The following KCNG3 variants were observed in gnomAD, a reference collection of about 807,000 sequenced individuals.
KCNG3 encodes the protein potassium voltage-gated channel modifier subfamily G member 3, also known as voltage-gated potassium channel regulatory subunit KCNG3.
In KCNG3, 15 loss-of-function variants were observed where a neutral mutation model predicts 29.0. That is an observed-to-expected ratio of 0.52 (90% CI 0.35 to 0.80). The LOEUF is 0.80. Among genes scored for constraint, KCNG3 ranks in the 30% least tolerant of loss-of-function variants. The pLI is 0.01. For synonymous variants in KCNG3, 322 were observed against 248.9 expected (o/e 1.29, Z -2.76); for missense variants, 512 against 605.7 (o/e 0.85, Z 1.62).
intron 1 of KCNG3, among the ~76,000 whole-genome samples, chr2:42,488,678 T>G (rs920024027): frequency 3.9e-5 from 6 of 151,946 alleles, no homozygotes; most frequent in African/African-American, 1.4e-4. Flanking sequence ...GCCTCCTGAG[T>G]AGCTGGGATT....
the KCNG3 span, among the ~76,000 whole-genome samples, chr2:42,423,712 T>TGG: frequency 9.2e-5 from 14 of 151,930 alleles, no homozygotes; most frequent in Admixed American, 6.6e-5. Context: ...GTTTTATTAC[T>TGG]GGTCACTTTC....
the KCNG3 span, among the ~76,000 whole-genome samples, chr2:42,410,748 G>A: frequency 6.6e-6 from 1 of 152,044 alleles, no homozygotes; most frequent in African/African-American, 2.4e-5. Flanking sequence ...TGGTCCTTTA[G>A]GATGTAGTTC....
chr2:42,450,728 G>C (rs1247068477), intron 1 of KCNG3, among the ~76,000 whole-genome samples: 1 of 152,164 alleles, frequency 6.6e-6, no homozygotes, highest in Non-Finnish European at 1.5e-5. Context: ...TATGAAATAT[G>C]TATTTCCCCT....
At chr2:42,487,965 A>G (rs1673770877) in intron 1 of KCNG3, among the ~76,000 whole-genome samples, 1 of 152,222 alleles carries the variant, frequency 6.6e-6, no homozygotes, top group Non-Finnish European at 1.5e-5. Context: ...GTTAGTTAAA[A>G]AGCAAGTTTC....
chr2:42,413,447 CTT>C, the KCNG3 span, among the ~76,000 whole-genome samples: 1 of 152,038 alleles, frequency 6.6e-6, no homozygotes, highest in Non-Finnish European at 1.5e-5. Flanking sequence ...TCACATTTTT[CTT>C]TCTCTCTTGC....
intron 1 of KCNG3, among the ~76,000 whole-genome samples, chr2:42,453,934 T>A (rs1672821040): frequency 6.6e-6 from 1 of 152,142 alleles, no homozygotes; most frequent in Admixed American, 6.6e-5. Context: ...GATGTCCAGT[T>A]TTCCCAGCAC....
At chr2:42,426,821 C>T in the KCNG3 span, among the ~76,000 whole-genome samples, 9 of 152,316 alleles carry the variant, frequency 5.9e-5, no homozygotes, top group East Asian at 1.3e-3. Context: ...TGACCATAAA[C>T]TGTTTGCAAG....
chr2:42,468,224 G>A lies in KCNG3; in HGVS notation c.666-23645C>T, dbSNP rs1221855931. Among the ~76,000 whole-genome samples, 5 of 152,194 alleles carry A rather than the reference G, an allele frequency of 3.3e-5. No homozygotes were observed. In the South Asian group the frequency reaches 6.2e-4, roughly 19 times the overall value. ...ACAAAGGTATTATAAAGGTTGCAAA[G>A]ACTGTCTTTATTTCCAGACAGTATC... On this transcript the variant is annotated intron_variant, in intron 1 of 1. Transcript: ENST00000306078.
At chr2:42,417,682 C>T in the KCNG3 span, among the ~76,000 whole-genome samples, 1 of 152,148 alleles carries the variant, frequency 6.6e-6, no homozygotes, top group Admixed American at 6.5e-5. Flanking sequence ...GTAAACTATA[C>T]TGACACAAAG....
rs1390611 is a variant in KCNG3, at chr2:42,489,740, C to A, written c.665+3097G>T. Among the ~76,000 whole-genome samples, 600 of 152,304 alleles carry A rather than the reference C, an allele frequency of 3.9e-3. 5 individuals carry two copies. Among genetic ancestry groups the A allele is most frequent in the African/African-American group, 0.014 (568 of 41,550 alleles). On this transcript the variant is annotated intron_variant, in intron 1 of 1. Transcript: ENST00000306078. The stretch of plus-strand genomic sequence containing the variant: ...CTCAGGAAGAAGTAAGCAGGCCAGG[C>A]TGGACAAATGAAGACTGCAAGTGGC...
chr2:42,454,522 G>C (rs918343939), intron 1 of KCNG3, among the ~76,000 whole-genome samples: 4 of 152,074 alleles, frequency 2.6e-5, no homozygotes, highest in Non-Finnish European at 5.9e-5. Context: ...GACCAGCCTG[G>C]CCAACATGGC....
chr2:42,463,103 T>C (rs1339649878), intron 1 of KCNG3: 2 of 227,252 alleles, frequency 8.8e-6, no homozygotes, highest in Admixed American at 4.3e-5. Flanking sequence ...CACTGCAAAA[T>C]AGTTTAAAAT....
chr2:42,485,148 C>A (rs771878648), intron 1 of KCNG3, among the ~76,000 whole-genome samples: 2 of 151,952 alleles, frequency 1.3e-5, no homozygotes, highest in African/African-American at 2.4e-5. Flanking sequence ...TAAAATAACA[C>A]AAGAAATTTT....
chr2:42,410,856 G>C, the KCNG3 span, among the ~76,000 whole-genome samples: 17 of 152,254 alleles, frequency 1.1e-4, no homozygotes, highest in East Asian at 3.3e-3. Flanking sequence ...AGGTTGGAAA[G>C]ACTACTTCGT....
At chr2:42,450,433 G>A (rs1672719976) in intron 1 of KCNG3, among the ~76,000 whole-genome samples, 1 of 152,154 alleles carries the variant, frequency 6.6e-6, no homozygotes, top group Non-Finnish European at 1.5e-5. Flanking sequence ...TCTCACCAAT[G>A]CCACCACTGA....
the KCNG3 span, among the ~76,000 whole-genome samples, chr2:42,420,727 T>A: frequency 6.6e-6 from 1 of 151,526 alleles, no homozygotes; most frequent in Non-Finnish European, 1.5e-5. Flanking sequence ...GAGGCGGAGG[T>A]TGCAGTGAGC....
chr2:42,493,431 C>T lies in KCNG3; in HGVS notation c.71G>A (p.Arg24Gln), dbSNP rs778643852. 4.0e-6 allele frequency: 6 copies of T among 1,486,922 alleles called. No homozygotes were observed. Among genetic ancestry groups the T allele is most frequent in the South Asian group, 1.3e-5 (1 of 74,406 alleles). 92.1% of individuals were successfully genotyped at this position (1,486,922 alleles called of 1,614,324 possible). A position where few individuals can be genotyped will look rare whatever the true frequency, so the allele number is the denominator to read the frequency against. Residue 24 changes from arginine (R) to glutamine (Q), a missense_variant, in exon 1 of 2, where the codon CGG becomes CAG. This residue lies in a region of KCNG3 where 91 missense variants were observed against 91.1 expected (regional missense o/e 1.00). Coordinates refer to ENST00000306078, the MANE Select transcript of KCNG3 (RefSeq NM_133329.6). ...NVGGARYSLSRELLKDFPLRR... is the reference protein window; with the variant it reads ...NVGGARYSLSQELLKDFPLRR... ...CAGCGGGAAGTCCTTCAGCAGCTCC[C>T]GGGACAGCGAATACCGGGCGCCGCC... is the stretch of plus-strand genomic sequence containing the variant.
chr2:42,420,529 T>G, the KCNG3 span, among the ~76,000 whole-genome samples: 1 of 151,590 alleles, frequency 6.6e-6, no homozygotes, highest in African/African-American at 2.4e-5. Flanking sequence ...ATGGCTCATG[T>G]CTGTAATCCC....
Position 42,493,218 on chromosome 2 carries a change from T to C in KCNG3, c.284A>G (p.Tyr95Cys). Residue 95 changes from tyrosine (Y) to cysteine (C), a missense_variant, in exon 1 of 2, where the codon TAC becomes TGC. Tyr to Cys is a radical substitution (Grantham distance 194). Around this residue, in one of 5 missense-constraint regions of KCNG3, gnomAD observed 228 missense variants for 200.0 expected, o/e 1.14. Transcript: ENST00000306078. Reference protein sequence around the residue: ...FAPRMCELSFYNEMIYWGLEG... With the variant: ...FAPRMCELSFCNEMIYWGLEG... The stretch of plus-strand genomic sequence containing the variant: ...CAGGCCCCAGTAGATCATCTCGTTG[T>C]AGAAGGAGAGCTCGCACATCCGCGG... 1 of 1,611,356 alleles carries C rather than the reference T, an allele frequency of 6.2e-7. No individual in the cohort carries two copies.
Sources: allele counts gnomAD v4.1 joint callset (sites outside exome capture counted in the v4.1 genomes callset), GRCh38; gene constraint gnomAD v4.1.1; regional missense constraint gnomAD v4.1.1; transcripts MANE v1.5; gene names NCBI Gene and HGNC (gene_info 2026-07-23, HGNC 2026-07-21).